Variants in CRPPA observed in about 807,000 individuals in gnomAD.
The protein encoded by CRPPA is CDP-L-ribitol pyrophosphorylase A.
Under a neutral mutation model 52.0 loss-of-function variants are expected in CRPPA, and 43 were observed. The observed-to-expected ratio is 0.83, with a 90% CI of 0.65 to 1.07. The LOEUF (loss-of-function observed/expected upper bound fraction) is 1.07, where lower values mean the gene tolerates loss of function less well. Among genes scored for constraint, CRPPA ranks in the 50% least tolerant of loss-of-function variants. The pLI, the probability that CRPPA is intolerant of heterozygous loss-of-function variation, is 0.00. For synonymous variants in CRPPA, 250 were observed against 203.5 expected (o/e 1.23, Z -1.94); for missense variants, 629 against 551.7 (o/e 1.14, Z -1.40).
At chr7:16,175,099 G>A (rs1430007590) in intron 9 of CRPPA, among the ~76,000 whole-genome samples, 1 of 152,124 alleles carries the variant, frequency 6.6e-6, no homozygotes, top group Non-Finnish European at 1.5e-5. Flanking sequence ...GGGAACCAAT[G>A]AAAATGGTTC....
In CRPPA at chr7:16,408,115, A is replaced by AT. The variant is rs376434777; in HGVS notation, c.258-1779_258-1778insA. 3.2e-3 allele frequency among the ~76,000 whole-genome samples: 489 copies of AT among 150,708 alleles called. 4 individuals are homozygous for AT. Among genetic ancestry groups the AT allele is most frequent in the African/African-American group, 0.011 (441 of 40,648 alleles). On this transcript the variant is annotated intron_variant, in intron 1 of 9. Coordinates refer to ENST00000407010, the MANE Select transcript of CRPPA (RefSeq NM_001101426.4). ...AGAGCAGGACTCTGTCTTTAAAAAA[A>AT]AAAAAATAAAAAAATAACTTATCAG...
intron 5 of CRPPA, among the ~76,000 whole-genome samples, chr7:16,287,988 A>G (rs1242413884): frequency 6.6e-6 from 1 of 152,114 alleles, no homozygotes; most frequent in East Asian, 1.9e-4. Flanking sequence ...ACAGACATCT[A>G]CAGAGGGAAG....
intron 2 of CRPPA, among the ~76,000 whole-genome samples, chr7:16,387,612 C>T (rs1171532194): frequency 6.6e-6 from 1 of 151,794 alleles, no homozygotes; most frequent in African/African-American, 2.4e-5. Context: ...AACTATGATT[C>T]AAAGACACAA....
At chr7:16,354,933 T>C (rs1373045111) in intron 3 of CRPPA, among the ~76,000 whole-genome samples, 1 of 151,952 alleles carries the variant, frequency 6.6e-6, no homozygotes, top group East Asian at 1.9e-4. Flanking sequence ...ACCACACAAA[T>C]AAAGGTAGAC....
At chr7:16,211,272 A>T (rs1362200571) in intron 9 of CRPPA, among the ~76,000 whole-genome samples, 4 of 152,234 alleles carry the variant, frequency 2.6e-5, no homozygotes, top group Non-Finnish European at 5.9e-5. Flanking sequence ...TTTTGAAAAC[A>T]TATTTTATGA....
intron 2 of CRPPA, among the ~76,000 whole-genome samples, chr7:16,391,132 A>T (rs557930299): frequency 3.7e-4 from 56 of 152,226 alleles, no homozygotes; most frequent in African/African-American, 9.6e-4. Flanking sequence ...CAAAATGCAT[A>T]CCTCTACTGC....
At chr7:16,174,384 C>T (rs1781251972) in intron 9 of CRPPA, among the ~76,000 whole-genome samples, 1 of 152,102 alleles carries the variant, frequency 6.6e-6, no homozygotes, top group African/African-American at 2.4e-5. Context: ...CTCAATTTTG[C>T]TGTTGTAGCA....
chr7:16,326,324 G>A (rs1179463711), intron 3 of CRPPA, among the ~76,000 whole-genome samples: 1 of 152,148 alleles, frequency 6.6e-6, no homozygotes, highest in African/African-American at 2.4e-5. Context: ...AACCCAGCTT[G>A]CTGATTAGCT....
chr7:16,209,906 G>C (rs994032615), intron 9 of CRPPA, among the ~76,000 whole-genome samples: 1 of 152,086 alleles, frequency 6.6e-6, no homozygotes, highest in African/African-American at 2.4e-5. Flanking sequence ...TAAAGCTATG[G>C]CTGAAGATGC....
intron 8 of CRPPA, among the ~76,000 whole-genome samples, chr7:16,223,855 T>C (rs999106646): frequency 2.0e-5 from 3 of 152,048 alleles, no homozygotes; most frequent in Admixed American, 6.6e-5. Context: ...TACTGCAGAT[T>C]TGCTTATAGA....
intron 6 of CRPPA, chr7:16,269,647 A>G (rs1319533261): frequency 6.6e-6 from 1 of 152,206 alleles, no homozygotes; most frequent in Non-Finnish European, 1.5e-5. Flanking sequence ...CAGTAACAAG[A>G]TAACACGATA....
chr7:16,325,213 G>A (rs10486789), intron 3 of CRPPA, among the ~76,000 whole-genome samples: 24,913 of 152,168 alleles, frequency 0.16, 2,578 homozygotes, highest in South Asian at 0.42. Flanking sequence ...TTCACAAGTT[G>A]AGAAAGGAAG....
chr7:16,199,546 T>A (rs1781804099), intron 9 of CRPPA, among the ~76,000 whole-genome samples: 2 of 152,146 alleles, frequency 1.3e-5, no homozygotes. Context: ...TGAGCCCTCC[T>A]CGAAAAAATT....
intron 1 of CRPPA, among the ~76,000 whole-genome samples, chr7:16,417,649 G>T (rs79409567): frequency 0.037 from 5,584 of 151,996 alleles, 135 homozygotes; most frequent in Non-Finnish European, 0.059. Flanking sequence ...GAGGAGGGAG[G>T]GGGCAAAGGT....
intron 9 of CRPPA, among the ~76,000 whole-genome samples, chr7:16,100,449 C>G (rs1270488949): frequency 6.6e-6 from 1 of 152,172 alleles, no homozygotes; most frequent in South Asian, 2.1e-4. Context: ...ACAGTAGGCA[C>G]TCGGTAAATA....
chr7:16,225,713 G>GGCAT (rs1395088137), intron 8 of CRPPA, among the ~76,000 whole-genome samples: 1 of 151,620 alleles, frequency 6.6e-6, no homozygotes, highest in East Asian at 1.9e-4. Flanking sequence ...AGGCCATGTA[G>GGCAT]GCATGCATTA....
intron 2 of CRPPA, among the ~76,000 whole-genome samples, chr7:16,382,637 C>T (rs1390421024): frequency 6.6e-6 from 1 of 151,992 alleles, no homozygotes; most frequent in South Asian, 2.1e-4. Flanking sequence ...ACCAATCAGA[C>T]GTAGATTTGG....
At chr7:16,102,397 G>T (rs1333727866) in intron 9 of CRPPA, among the ~76,000 whole-genome samples, 2 of 152,110 alleles carry the variant, frequency 1.3e-5, no homozygotes, top group East Asian at 3.9e-4. Flanking sequence ...ACAGGCATGG[G>T]CAAAGGCTTC....
chr7:16,157,375 A>G (rs984059608), intron 9 of CRPPA, among the ~76,000 whole-genome samples: 16 of 152,200 alleles, frequency 1.1e-4, no homozygotes, highest in African/African-American at 3.6e-4. Context: ...CGTATTGATT[A>G]GGATAAAACC....
Sources: gnomAD v4.1 joint callset for allele counts (sites outside exome capture counted in the v4.1 genomes callset) on GRCh38, gnomAD v4.1.1 for gene constraint, MANE v1.5 for transcripts, NCBI Gene and HGNC (gene_info 2026-07-23, HGNC 2026-07-21) for gene names.